ZEB1: variants seen among roughly 807,000 people sequenced by gnomAD.
ZEB1 encodes zinc finger E-box binding homeobox 1.
Under a neutral mutation model 84.9 loss-of-function variants are expected in ZEB1, and 21 were observed. The ratio of observed to expected loss-of-function variants is 0.25; its 90% CI spans 0.18 to 0.36. ZEB1 has a LOEUF of 0.36. Ranked by LOEUF, ZEB1 falls within the 10% of genes least tolerant of loss-of-function variation. The probability of loss-of-function intolerance (pLI) is 1.00; values close to 1 mark genes in which losing one functional copy is unlikely to be tolerated. For missense variants in ZEB1, 1,104 were observed against 1,330.2 expected, an observed-to-expected ratio of 0.83 and a Z score of 2.65; for synonymous variants, 420 against 471.1, an observed-to-expected ratio of 0.89 and a Z score of 1.41.
At chr10:31,360,392 A>G (rs1458723442) in intron 1 of ZEB1, among the ~76,000 whole-genome samples, 1 of 152,216 alleles carries the variant, frequency 6.6e-6, no homozygotes, top group Admixed American at 6.5e-5. Context: ...TATAATGGAT[A>G]TAGTTTAGGA....
At chr10:31,332,111 T>C (rs1200658303) in intron 1 of ZEB1, among the ~76,000 whole-genome samples, 1 of 152,216 alleles carries the variant, frequency 6.6e-6, no homozygotes, top group Non-Finnish European at 1.5e-5. Flanking sequence ...AGTTTTTGCT[T>C]ATCTATTCTG....
At chr10:31,339,728 CCACT>C (rs1273549949) in intron 1 of ZEB1, among the ~76,000 whole-genome samples, 27 of 151,128 alleles carry the variant, frequency 1.8e-4, no homozygotes, top group Admixed American at 1.3e-3. Context: ...TGAGATTGCA[CCACT>C]CACTCCAGCG....
chr10:31,490,178 G>T (rs2066330981), intron 2 of ZEB1, among the ~76,000 whole-genome samples: 1 of 151,352 alleles, frequency 6.6e-6, no homozygotes, highest in African/African-American at 2.4e-5. Flanking sequence ...CCTAGATTTG[G>T]GGGGTTAGGA....
chr10:31,394,999 G>T (rs996200725), intron 1 of ZEB1, among the ~76,000 whole-genome samples: 1 of 152,136 alleles, frequency 6.6e-6, no homozygotes, highest in African/African-American at 2.4e-5. Context: ...GTTAATGGCA[G>T]TGCCCTTCAT....
chr10:31,455,578 C>G, intron 1 of ZEB1, among the ~76,000 whole-genome samples: 1 of 134,226 alleles, frequency 7.5e-6, no homozygotes, highest in East Asian at 2.0e-4. Flanking sequence ...AAAAAACAAC[C>G]CCATCAAAAA....
intron 1 of ZEB1, among the ~76,000 whole-genome samples, chr10:31,368,929 C>T (rs2045136767): frequency 6.6e-6 from 1 of 152,152 alleles, no homozygotes; most frequent in Non-Finnish European, 1.5e-5. Context: ...GTTGAACTAA[C>T]AAGCATGTTG....
intron 1 of ZEB1, among the ~76,000 whole-genome samples, chr10:31,446,628 G>T (rs562375976): frequency 6.6e-6 from 1 of 152,102 alleles, no homozygotes; most frequent in African/African-American, 2.4e-5. Flanking sequence ...GTTCTCGTTG[G>T]TTTCAAAGAA....
At chr10:31,463,643 G>A (rs2137548515) in intron 2 of ZEB1, among the ~76,000 whole-genome samples, 1 of 152,294 alleles carries the variant, frequency 6.6e-6, no homozygotes, top group South Asian at 2.1e-4. Context: ...TCCCTGGTTA[G>A]GTATTCAGGG....
rs1475816038 is a variant in ZEB1 at position 31,527,491 on chromosome 10, A to C, written c.*227A>C. On this transcript the variant is annotated 3_prime_UTR_variant, in exon 9 of 9. Coordinates refer to ENST00000424869, the MANE Select transcript of ZEB1 (RefSeq NM_001174096.2). ...GTGTGCCTGAACCTCAGACCTAGTA[A>C]TTTTTCATGCAGTTTTCAAAGTTAG... 1.8e-6 allele frequency: 1 copy of C among 568,408 alleles called. No homozygotes were observed. Among genetic ancestry groups the C allele is most frequent in the African/African-American group, 1.9e-5 (1 of 53,274 alleles). The allele number at this position is 568,408 out of a possible 1,614,324, so 35.2% of individuals were successfully genotyped here. A position where few individuals can be genotyped will look rare whatever the true frequency, so the allele number is the denominator to read the frequency against.
chr10:31,425,558 T>TA lies in ZEB1; in HGVS notation c.59-35472dup, dbSNP rs112184174. On this transcript the variant is annotated intron_variant, in intron 1 of 8. Transcript: ENST00000424869. ...TACAATAAACCTGAGAAATTCTTTATAAAAAAATCCAAAATTAACCACATT... is the reference window on the plus strand; with the variant it reads ...TACAATAAACCTGAGAAATTCTTTATAAAAAAAATCCAAAATTAACCACATT... Among the ~76,000 whole-genome samples the TA allele has an allele frequency of 3.7e-4, 57 of 152,190 alleles. 4 individuals carry two copies. The highest frequency in any genetic ancestry group is 1.3e-3 in the African/African-American group (54 of 41,548).
intron 1 of ZEB1, among the ~76,000 whole-genome samples, chr10:31,438,411 CAT>C (rs1309647698): frequency 6.6e-6 from 1 of 152,154 alleles, no homozygotes; most frequent in Admixed American, 6.5e-5. Flanking sequence ...TTATTTACAA[CAT>C]AGTATTCATC....
At chr10:31,469,695 C>G (rs1183668009) in intron 2 of ZEB1, among the ~76,000 whole-genome samples, 1 of 152,242 alleles carries the variant, frequency 6.6e-6, no homozygotes. Flanking sequence ...GAAGCTGGAA[C>G]TGGGTGAAGC....
intron 1 of ZEB1, among the ~76,000 whole-genome samples, chr10:31,420,345 G>T (rs542498084): frequency 6.6e-6 from 1 of 152,104 alleles, no homozygotes; most frequent in African/African-American, 2.4e-5. Context: ...TACCAGCCAG[G>T]CTACATTCTC....
At chr10:31,430,446 T>C (rs2057579539) in intron 1 of ZEB1, among the ~76,000 whole-genome samples, 1 of 152,204 alleles carries the variant, frequency 6.6e-6, no homozygotes, top group Non-Finnish European at 1.5e-5. Context: ...GCCTTTAAAC[T>C]TAGCATCTTA....
At chr10:31,449,335 C>G (rs892633701) in intron 1 of ZEB1, among the ~76,000 whole-genome samples, 2 of 152,254 alleles carry the variant, frequency 1.3e-5, no homozygotes, top group African/African-American at 2.4e-5. Flanking sequence ...TGAGATGAAC[C>G]TGGTACCTCA....
At chr10:31,403,521 A>G (rs190960133) in intron 1 of ZEB1, among the ~76,000 whole-genome samples, 6 of 152,196 alleles carry the variant, frequency 3.9e-5, no homozygotes, top group Admixed American at 3.9e-4. Flanking sequence ...TAGAGTGTCA[A>G]CATATTCAAT....
Position 31,513,940 on chromosome 10 carries a change from C to G in ZEB1, c.688-663C>G, listed in dbSNP as rs12783820. On this transcript the variant is annotated intron_variant, in intron 5 of 8. Coordinates refer to ENST00000424869, the MANE Select transcript of ZEB1 (RefSeq NM_001174096.2). ...TTTATGAGGAGGAGTTGATAGAATG[C>G]AATTCAAGCAGTGCTTTTGTAAGAT... is the stretch of plus-strand genomic sequence containing the variant. Among the ~76,000 whole-genome samples, 481 of 152,086 alleles carry G rather than the reference C, an allele frequency of 3.2e-3. 3 individuals carry two copies. Among genetic ancestry groups the G allele is most frequent in the Non-Finnish European group, 5.8e-3 (397 of 67,968 alleles).
At chr10:31,332,063 G>A (rs961277196) in intron 1 of ZEB1, among the ~76,000 whole-genome samples, 1 of 152,144 alleles carries the variant, frequency 6.6e-6, no homozygotes, top group African/African-American at 2.4e-5. Context: ...TACTAAAAGT[G>A]AAAAAAGTTG....
chr10:31,411,511 A>C (rs1244605712), intron 1 of ZEB1, among the ~76,000 whole-genome samples: 1 of 151,988 alleles, frequency 6.6e-6, no homozygotes, highest in Non-Finnish European at 1.5e-5. Flanking sequence ...GGGCGCCTGT[A>C]GTCCCAGCTA....
Sources: allele counts gnomAD v4.1 joint callset (sites outside exome capture counted in the v4.1 genomes callset), GRCh38; gene constraint gnomAD v4.1.1; transcripts MANE v1.5; gene names NCBI Gene and HGNC (gene_info 2026-07-23, HGNC 2026-07-21).